Variants in CAMKMT observed in about 807,000 individuals in gnomAD.
CAMKMT encodes CaM KMT.
A neutral mutation model predicts 48.0 loss-of-function variants in CAMKMT; 53 were observed. That is an observed-to-expected ratio of 1.10 (90% confidence interval 0.89 to 1.39). CAMKMT has a LOEUF of 1.39. CAMKMT is among the 40% of genes most tolerant of loss of function. The pLI, the probability that CAMKMT is intolerant of heterozygous loss-of-function variation, is 0.00. For missense variants in CAMKMT, 428 were observed against 402.7 expected, an observed-to-expected ratio of 1.06 and a Z score of -0.54; for synonymous variants, 165 against 152.3, an observed-to-expected ratio of 1.08 and a Z score of -0.61.
chr2:44,741,777 G>A (rs564147116), intron 7 of CAMKMT, among the ~76,000 whole-genome samples: 12 of 152,242 alleles, frequency 7.9e-5, no homozygotes, highest in Admixed American at 6.5e-4. Context: ...ATACCCAGTC[G>A]CTGCTTAGAC....
At chr2:44,543,492 T>C (rs1485934409) in intron 3 of CAMKMT, among the ~76,000 whole-genome samples, 1 of 152,198 alleles carries the variant, frequency 6.6e-6, no homozygotes, top group Non-Finnish European at 1.5e-5. Context: ...GCCCCCAGGA[T>C]TAAGGCTACA....
intron 3 of CAMKMT, among the ~76,000 whole-genome samples, chr2:44,457,982 A>C (rs1667656695): frequency 6.7e-6 from 1 of 148,740 alleles, no homozygotes. Flanking sequence ...CCCATTTTGG[A>C]GTCAGATTAA....
At chr2:44,527,065 T>C (rs1666155200) in intron 3 of CAMKMT, among the ~76,000 whole-genome samples, 1 of 149,228 alleles carries the variant, frequency 6.7e-6, no homozygotes, top group East Asian at 2.0e-4. Flanking sequence ...TCCAGCCCCC[T>C]TATTCCTTGA....
At chr2:44,611,005 G>A (rs934493107) in intron 3 of CAMKMT, among the ~76,000 whole-genome samples, 1 of 152,134 alleles carries the variant, frequency 6.6e-6, no homozygotes, top group Non-Finnish European at 1.5e-5. Flanking sequence ...AGATAGAGAA[G>A]GGCTTATCAG....
chr2:44,631,411 A>G lies in CAMKMT; in HGVS notation c.377-72872A>G, dbSNP rs528588739. 26 of 534,150 alleles carry G rather than the reference A, an allele frequency of 4.9e-5. No individual in the cohort carries two copies. The South Asian group carries it at 6.4e-4, about 13-fold the overall frequency. 33.1% of individuals were successfully genotyped at this position (534,150 alleles called of 1,614,324 possible). On this transcript the variant is annotated intron_variant, in intron 3 of 10. Transcript: ENST00000378494. The stretch of plus-strand genomic sequence containing the variant: ...TTAAAGTATAATAATAATAATAGTA[A>G]TAATAATAAAAAAGAAAGGAAATAC...
At chr2:44,580,006 G>GT (rs962152926) in intron 3 of CAMKMT, among the ~76,000 whole-genome samples, 17 of 152,058 alleles carry the variant, frequency 1.1e-4, no homozygotes, top group African/African-American at 4.1e-4. Context: ...AATTCCTGTG[G>GT]TTTTTAAAAA....
At chr2:44,649,946 C>G (rs1478926527) in intron 3 of CAMKMT, among the ~76,000 whole-genome samples, 2 of 152,138 alleles carry the variant, frequency 1.3e-5, no homozygotes, top group Non-Finnish European at 2.9e-5. Context: ...GTGAGGGAGG[C>G]TGAAAATTAA....
chr2:44,547,531 T>TA, intron 3 of CAMKMT, among the ~76,000 whole-genome samples: 2 of 152,132 alleles, frequency 1.3e-5, no homozygotes, highest in Middle Eastern at 3.4e-3. Context: ...ACCTCATCTC[T>TA]AAAAAACAAG....
At position 44,378,272 on chromosome 2, in the gene CAMKMT, C is replaced by T. The variant is rs924522212; in HGVS notation, c.311+5384C>T. 1.4e-4 allele frequency among the ~76,000 whole-genome samples: 21 copies of T among 151,972 alleles called. 1 individual carries two copies. The highest frequency in any genetic ancestry group is 2.4e-4 in the Non-Finnish European group (16 of 67,992). On this transcript the variant is annotated intron_variant, in intron 2 of 10. Transcript: ENST00000378494. ...AATTTCATTGCAATTTTTTATGTAA[C>T]GTGCTTACATATAAATATACTGTTT...
At chr2:44,716,277 A>G (rs1170961054) in intron 7 of CAMKMT, among the ~76,000 whole-genome samples, 1 of 152,132 alleles carries the variant, frequency 6.6e-6, no homozygotes, top group East Asian at 1.9e-4. Flanking sequence ...TTAGTTATAT[A>G]AACTACTCAT....
chr2:44,570,757 A>G (rs1009130357), intron 3 of CAMKMT, among the ~76,000 whole-genome samples: 4 of 152,212 alleles, frequency 2.6e-5, no homozygotes, highest in Non-Finnish European at 5.9e-5. Context: ...AAAACAGGTT[A>G]TAGGCTATTT....
intron 3 of CAMKMT, among the ~76,000 whole-genome samples, chr2:44,480,712 G>A (rs530367228): frequency 3.9e-5 from 6 of 152,078 alleles, no homozygotes; most frequent in Non-Finnish European, 5.9e-5. Context: ...AACGTATTTT[G>A]AAGGGAATAG....
chr2:44,383,838 A>G (rs1277422513), intron 2 of CAMKMT, among the ~76,000 whole-genome samples: 1 of 152,138 alleles, frequency 6.6e-6, no homozygotes, highest in African/African-American at 2.4e-5. Context: ...TCCATTGTAT[A>G]TATATATATA....
chr2:44,604,736 T>G (rs1671190510), intron 3 of CAMKMT, among the ~76,000 whole-genome samples: 1 of 152,086 alleles, frequency 6.6e-6, no homozygotes, highest in Non-Finnish European at 1.5e-5. Flanking sequence ...GAAGTTCAGG[T>G]TGCCTTGTTG....
At chr2:44,393,863 A>C (rs1046383063) in intron 3 of CAMKMT, among the ~76,000 whole-genome samples, 10 of 152,230 alleles carry the variant, frequency 6.6e-5, no homozygotes, top group African/African-American at 2.4e-5. Context: ...AAGCTGCACC[A>C]TGCTGTCTCT....
chr2:44,380,339 CTG>C (rs1164965463), intron 2 of CAMKMT, among the ~76,000 whole-genome samples: 2 of 152,124 alleles, frequency 1.3e-5, no homozygotes, highest in Non-Finnish European at 2.9e-5. Context: ...TTTTTATACT[CTG>C]AGTATGTTGG....
chr2:44,703,461 A>C (rs1390841039), intron 3 of CAMKMT, among the ~76,000 whole-genome samples: 1 of 152,156 alleles, frequency 6.6e-6, no homozygotes, highest in Non-Finnish European at 1.5e-5. Flanking sequence ...CTTACACAGC[A>C]GTTTGATTTT....
intron 3 of CAMKMT, among the ~76,000 whole-genome samples, chr2:44,476,145 C>T (rs540989984): frequency 3.4e-4 from 52 of 152,112 alleles, no homozygotes; most frequent in African/African-American, 9.4e-4. Context: ...TGTAGTTCTT[C>T]GGTGCTTGAG....
chr2:44,689,725 C>T (rs1286456068), intron 3 of CAMKMT, among the ~76,000 whole-genome samples: 1 of 152,174 alleles, frequency 6.6e-6, no homozygotes, highest in Admixed American at 6.5e-5. Context: ...TTCTCACTTT[C>T]TGACATCCTC....
Sources: gnomAD v4.1 joint callset for allele counts (sites outside exome capture counted in the v4.1 genomes callset) on GRCh38, gnomAD v4.1.1 for gene constraint, MANE v1.5 for transcripts, NCBI Gene and HGNC (gene_info 2026-07-23, HGNC 2026-07-21) for gene names.